Variants in SAMD5 observed in about 807,000 individuals in gnomAD.
SAMD5 encodes sterile alpha motif domain containing 5.
A neutral mutation model predicts 11.3 loss-of-function variants in SAMD5; 13 were observed. The ratio of observed to expected loss-of-function variants is 1.15; its 90% confidence interval spans 0.75 to 1.83. SAMD5 has a LOEUF of 1.83. Ranked by LOEUF, SAMD5 falls within the 40% of genes most tolerant of loss-of-function variation. SAMD5 has a pLI of 0.00. For missense variants in SAMD5, 255 were observed against 239.1 expected (o/e 1.07, Z -0.44); for synonymous variants, 129 against 111.3 (o/e 1.16, Z -1.00).
chr6:147,873,180 C>A, the SAMD5 span, among the ~76,000 whole-genome samples: 1 of 151,996 alleles, frequency 6.6e-6, no homozygotes, highest in East Asian at 1.9e-4. Flanking sequence ...AGATTGAGAC[C>A]ATCCTGGCCA....
chr6:147,671,032 C>T (rs976402175), intron 1 of SAMD5, among the ~76,000 whole-genome samples: 1 of 152,116 alleles, frequency 6.6e-6, no homozygotes, highest in Admixed American at 6.5e-5. Flanking sequence ...TTGAACACTT[C>T]GAGATCATTG....
At chr6:147,938,827 A>G in the SAMD5 span, among the ~76,000 whole-genome samples, 214 of 152,272 alleles carry the variant, frequency 1.4e-3, no homozygotes, top group African/African-American at 4.9e-3. Context: ...AGCACTTTGG[A>G]TACCAAATGC....
intron 1 of SAMD5, among the ~76,000 whole-genome samples, chr6:147,694,653 C>A (rs756222837): frequency 2.0e-5 from 3 of 151,908 alleles, no homozygotes; most frequent in Non-Finnish European, 2.9e-5. Context: ...CTAGTCTCTA[C>A]AAAAAACAAA....
At chr6:147,774,725 T>C in the SAMD5 span, among the ~76,000 whole-genome samples, 9 of 152,268 alleles carry the variant, frequency 5.9e-5, no homozygotes, top group East Asian at 1.7e-3. Flanking sequence ...TTATTTTTTA[T>C]AGATTTTAAA....
the SAMD5 span, among the ~76,000 whole-genome samples, chr6:147,890,978 A>T: frequency 5.3e-5 from 8 of 152,204 alleles, no homozygotes; most frequent in African/African-American, 1.9e-4. Flanking sequence ...AAGAGCTACT[A>T]AAAAAATGTG....
chr6:147,531,675 G>A (rs928705491), intron 1 of SAMD5, among the ~76,000 whole-genome samples: 3 of 152,178 alleles, frequency 2.0e-5, no homozygotes, highest in Non-Finnish European at 2.9e-5. Context: ...TCCCATATAA[G>A]AGCTTGGCCA....
the SAMD5 span, among the ~76,000 whole-genome samples, chr6:147,871,974 A>C: frequency 5.4e-4 from 82 of 152,342 alleles, no homozygotes; most frequent in African/African-American, 1.9e-3. Flanking sequence ...AATTTAATTT[A>C]ACAGGAATCC....
At chr6:147,943,539 G>A in the SAMD5 span, among the ~76,000 whole-genome samples, 2 of 151,664 alleles carry the variant, frequency 1.3e-5, no homozygotes, top group South Asian at 2.1e-4. Context: ...TCCTCCTAGC[G>A]AACCTCCTCC....
chr6:147,744,567 G>C, the SAMD5 span, among the ~76,000 whole-genome samples: 1 of 152,112 alleles, frequency 6.6e-6, no homozygotes, highest in Non-Finnish European at 1.5e-5. Flanking sequence ...AAACTACAAG[G>C]GAGAAACAAG....
chr6:147,673,326 G>A (rs941740842), intron 1 of SAMD5, among the ~76,000 whole-genome samples: 1 of 151,766 alleles, frequency 6.6e-6, no homozygotes, highest in Non-Finnish European at 1.5e-5. Flanking sequence ...CCATTCTCCT[G>A]CCTCAGCCTC....
chr6:147,767,812 C>A, the SAMD5 span, among the ~76,000 whole-genome samples: 1 of 152,142 alleles, frequency 6.6e-6, no homozygotes, highest in South Asian at 2.1e-4. Flanking sequence ...ATAACTAAGA[C>A]AGGAGGGATC....
At chr6:147,651,638 C>T (rs1384586442) in intron 1 of SAMD5, among the ~76,000 whole-genome samples, 1 of 152,182 alleles carries the variant, frequency 6.6e-6, no homozygotes, top group East Asian at 1.9e-4. Context: ...ACCATGCTGG[C>T]ACCCTGATCT....
At chr6:147,728,994 A>G (rs1454732329) in intron 1 of SAMD5, among the ~76,000 whole-genome samples, 1 of 152,212 alleles carries the variant, frequency 6.6e-6, no homozygotes, top group African/African-American at 2.4e-5. Context: ...TGGGTGGACT[A>G]AAACACAGAA....
chr6:147,861,721 G>A, the SAMD5 span, among the ~76,000 whole-genome samples: 3 of 152,088 alleles, frequency 2.0e-5, no homozygotes, highest in East Asian at 1.9e-4. Context: ...TGCCTCCCTC[G>A]GGTCCACTTC....
intron 1 of SAMD5, among the ~76,000 whole-genome samples, chr6:147,666,170 C>T (rs1477712579): frequency 1.3e-5 from 2 of 152,190 alleles, no homozygotes; most frequent in African/African-American, 4.8e-5. Context: ...AACTCCTGAC[C>T]TCGTGATCCG....
downstream of SAMD5, among the ~76,000 whole-genome samples, chr6:147,570,989 A>G (rs929795277): frequency 6.6e-6 from 1 of 152,168 alleles, no homozygotes; most frequent in South Asian, 2.1e-4. Context: ...GGCTCCTTCA[A>G]AAAAGACTCA....
intron 1 of SAMD5, among the ~76,000 whole-genome samples, chr6:147,600,574 G>A (rs1789600044): frequency 6.6e-6 from 1 of 152,082 alleles, no homozygotes; most frequent in Admixed American, 6.6e-5. Context: ...TTCAAAATTA[G>A]ATAAAGAAAC....
the SAMD5 span, among the ~76,000 whole-genome samples, chr6:147,906,992 A>T: frequency 6.6e-6 from 1 of 152,184 alleles, no homozygotes; most frequent in African/African-American, 2.4e-5. Flanking sequence ...CTCTGCTTTT[A>T]CAGAACATTT....
chr6:147,600,913 A>G (rs1789605439), intron 1 of SAMD5, among the ~76,000 whole-genome samples: 1 of 152,236 alleles, frequency 6.6e-6, no homozygotes, highest in Non-Finnish European at 1.5e-5. Context: ...CTGTGTGTGA[A>G]CAGTGCACCA....
Sources: allele counts gnomAD v4.1 joint callset (sites outside exome capture counted in the v4.1 genomes callset), GRCh38; gene constraint gnomAD v4.1.1; transcripts MANE v1.5; gene names NCBI Gene and HGNC (gene_info 2026-07-23, HGNC 2026-07-21).